MXRA5: variants seen among roughly 807,000 people sequenced by gnomAD.
MXRA5 encodes matrix-remodeling-associated protein 5.
MXRA5 carries 41 observed loss-of-function variants against 112.5 expected under a neutral mutation model. The observed-to-expected ratio is 0.36, with a 90% confidence interval of 0.28 to 0.47. The LOEUF is 0.47. Ranked by LOEUF, MXRA5 falls within the 20% of genes least tolerant of loss-of-function variation. The pLI, the probability that MXRA5 is intolerant of heterozygous loss-of-function variation, is 0.99. For synonymous variants in MXRA5, 862 were observed against 900.8 expected (o/e 0.96, Z 0.77); for missense variants, 2,150 against 2,251.0 (o/e 0.96, Z 0.91).
In MXRA5 at chrX:3,323,814, T is replaced by C. The variant is rs771154835; in HGVS notation, c.1871A>G (p.Asn624Ser). Residue 624 changes from asparagine (N) to serine (S), a missense_variant, in exon 5 of 7, where the codon AAC (asparagine) becomes AGC (serine). Asn to Ser is a conservative substitution (Grantham distance 46). Coordinates refer to ENST00000217939, the MANE Select transcript of MXRA5 (RefSeq NM_015419.4). Reference protein sequence around the residue: ...PNRRIINDLANTSHVYMLPNG... With the variant: ...PNRRIINDLASTSHVYMLPNG... The stretch of plus-strand genomic sequence containing the variant: ...TGGCAACATGTATACATGTGATGTG[T>C]TAGCCAAATCATTAATTATCCTTCT... 8.3e-7 allele frequency: 1 copy of C among 1,209,977 alleles called. No homozygotes were observed. The highest frequency in any genetic ancestry group is 1.7e-5 in the African/African-American group (1 of 57,248).
At position 3,317,456 on chromosome X, in the gene MXRA5, G is replaced by C. The variant is rs754779175; in HGVS notation, c.6225C>G (p.Pro2075=). 6.7e-6 allele frequency: 8 copies of C among 1,195,937 alleles called. No individual in the cohort carries two copies. Among genetic ancestry groups the C allele is most frequent in the Non-Finnish European group, 9.0e-6 (8 of 887,812 alleles). ...IHIHCTAKAA[P]LPSVRWVLGD... ...CGAGCACCCAGCGCACGCTGGGCAG[G>C]GGCGCAGCCTTGGCAGTGCAGTGAA... is the stretch of plus-strand genomic sequence containing the variant. The change falls in exon 6 of 7, where the codon CCC becomes CCG. Residue 2075 remains proline, a synonymous_variant. Transcript: ENST00000217939.
At chrX:3,326,654 C>T (rs1255411540) in intron 4 of MXRA5, among the ~76,000 whole-genome samples, 1 of 109,310 alleles carries the variant, frequency 9.1e-6, no homozygotes. Context: ...TTCACGTTGT[C>T]CTCTTGGTCT....
intron 1 of MXRA5, among the ~76,000 whole-genome samples, chrX:3,344,460 G>GT (rs1342730236): frequency 1.8e-5 from 2 of 111,571 alleles, no homozygotes; most frequent in Non-Finnish European, 3.8e-5. Flanking sequence ...AAGCCAGAGA[G>GT]TTTTTTTGAT....
At chrX:3,314,411 C>T (rs1014252543) in intron 6 of MXRA5, among the ~76,000 whole-genome samples, 1 of 110,535 alleles carries the variant, frequency 9.0e-6, no homozygotes, top group African/African-American at 3.3e-5. Flanking sequence ...AGCCAAATGT[C>T]TCCTGGGAGT....
chrX:3,335,353 C>T (rs1445419501), intron 2 of MXRA5, among the ~76,000 whole-genome samples: 6 of 110,137 alleles, frequency 5.4e-5, no homozygotes, highest in Non-Finnish European at 9.5e-5. Flanking sequence ...TGTGCTACCC[C>T]GCCTGGCTAA....
intron 4 of MXRA5, among the ~76,000 whole-genome samples, chrX:3,328,537 C>A (rs1921566175): frequency 9.0e-6 from 1 of 111,135 alleles, no homozygotes; most frequent in African/African-American, 3.3e-5. Context: ...TAAAAATGTT[C>A]TCACTGCTTT....
chrX:3,310,155 TG>T lies in MXRA5; in HGVS notation c.8047del (p.Gln2683LysfsTer44). 1 of 1,211,648 alleles carries T rather than the reference TG, an allele frequency of 8.3e-7. No individual in the cohort carries two copies. The highest frequency in any genetic ancestry group is 3.0e-5 in the East Asian group (1 of 33,817). ...CAGAAGAGAAACGCGTCCCAGGGTT[TG>T]GGGGCCCTCCAGATGCATGCCATTG... ...LPNGMHLEGP[Q>X]TLGRVSLLDN... On this transcript the variant is annotated frameshift_variant, in exon 7 of 7. Coordinates refer to ENST00000217939, the MANE Select transcript of MXRA5 (RefSeq NM_015419.4). LOFTEE classifies it high-confidence loss of function.
chrX:3,330,964 G>A (rs1351470958), intron 2 of MXRA5, among the ~76,000 whole-genome samples, 191 bp from the exon 3 acceptor site: 1 of 111,353 alleles, frequency 9.0e-6, no homozygotes, highest in Non-Finnish European at 1.9e-5. Flanking sequence ...GTGCAGCGGT[G>A]CAATCGTAGC....
At position 3,320,011 on chromosome X, in the gene MXRA5, T is replaced by C. The variant is rs373329711; in HGVS notation, c.5674A>G (p.Thr1892Ala). The change falls in exon 5 of 7, where the codon ACA (threonine) becomes GCA (alanine). Residue 1892 changes from threonine to alanine, a missense_variant. Thr to Ala is a moderately conservative substitution (Grantham distance 58, BLOSUM62 0). This residue lies in a region of MXRA5 where 1,485 missense variants were observed against 1,471.6 expected (regional missense o/e 1.01). Transcript: ENST00000217939. ...KPFVTWTKVSTGALMTPNTRI... is the reference protein window; with the variant it reads ...KPFVTWTKVSAGALMTPNTRI... ...AGTAGATGCTTAAACATCTTACCTGTGGAAACCTTTGTCCAAGTAACGAAA... is the reference window on the plus strand; with the variant it reads ...AGTAGATGCTTAAACATCTTACCTGCGGAAACCTTTGTCCAAGTAACGAAA... The C allele has an allele frequency of 1.7e-6, 2 of 1,185,671 alleles. No homozygotes were observed. The highest frequency in any genetic ancestry group is 3.7e-5 in the South Asian group (2 of 53,334).
Position 3,323,097 on chromosome X carries a change from A to G in MXRA5, c.2588T>C (p.Met863Thr), listed in dbSNP as rs373025245. 306 of 1,209,868 alleles carry G rather than the reference A, an allele frequency of 2.5e-4. No homozygotes were observed. In the South Asian group the frequency reaches 4.0e-3, roughly 16 times the overall value. Residue 863 changes from methionine (M) to threonine (T), a missense_variant, in exon 5 of 7, where the codon ATG becomes ACG. Met to Thr is a moderately conservative substitution (Grantham distance 81). This residue lies in a region of MXRA5 where 1,485 missense variants were observed against 1,471.6 expected (regional missense o/e 1.01). Coordinates refer to ENST00000217939, the MANE Select transcript of MXRA5 (RefSeq NM_015419.4). ...HVLGTISSAS[M>T]GLEHNHNGVI... ...TCCATTGTGGTTGTGTTCTAGCCCC[A>G]TGCTGGCTGAGGAAATGGTACCCAA...
chrX:3,316,801 A>T (rs1254818770), intron 6 of MXRA5, among the ~76,000 whole-genome samples: 1 of 108,534 alleles, frequency 9.2e-6, no homozygotes, highest in Admixed American at 9.8e-5. Flanking sequence ...CTCAGCCTCC[A>T]GAGTAGCTGG....
Position 3,317,732 on chromosome X carries a change from G to C in MXRA5, c.5949C>G (p.Ser1983=). The change falls in exon 6 of 7, where the codon TCC becomes TCG. Residue 1983 remains serine (S), a synonymous_variant. Coordinates refer to ENST00000217939, the MANE Select transcript of MXRA5 (RefSeq NM_015419.4). ...LAKGTPAPQI[S]WIFPDRRVWQ... ...ACACCCTCCTGTCAGGGAAGATCCA[G>C]GAAATTTGGGGGGCTGGGGTCCCTT... 6 of 1,207,155 alleles carry C rather than the reference G, an allele frequency of 5.0e-6. No homozygotes were observed. The highest frequency in any genetic ancestry group is 6.7e-6 in the Non-Finnish European group (6 of 892,622).
At chrX:3,333,684 G>C (rs1921722207) in intron 2 of MXRA5, among the ~76,000 whole-genome samples, 1 of 111,663 alleles carries the variant, frequency 9.0e-6, no homozygotes, top group South Asian at 3.8e-4. Context: ...ATTTTATTTA[G>C]TGAGTTCAAA....
chrX:3,315,409 A>G (rs1174450422), intron 6 of MXRA5, among the ~76,000 whole-genome samples: 3 of 61,659 alleles, frequency 4.9e-5, no homozygotes, highest in African/African-American at 6.6e-5. Context: ...AGATAGATAG[A>G]TAGATAGATA....
In MXRA5 at chrX:3,330,221, C is replaced by T; in HGVS notation, c.506G>A (p.Ser169Asn). The T allele has an allele frequency of 8.3e-7, 1 of 1,210,544 alleles. No homozygotes were observed. Among genetic ancestry groups the T allele is most frequent in the Non-Finnish European group, 1.1e-6 (1 of 894,971 alleles). The change falls in exon 4 of 7, where the codon AGC (serine) becomes AAC (asparagine). Residue 169 changes from serine to asparagine, a missense_variant. Ser to Asn is a conservative substitution (Grantham distance 46, BLOSUM62 1). Coordinates refer to ENST00000217939, the MANE Select transcript of MXRA5 (RefSeq NM_015419.4). Reference protein sequence around the residue: ...EGNLLHQLHPSTFSTFTFLDY... With the variant: ...EGNLLHQLHPNTFSTFTFLDY... The stretch of plus-strand genomic sequence containing the variant: ...CAAAAATGTGAACGTGGAGAAGGTG[C>T]TGGGGTGCAGCTGGTGGAGGAGATT...
rs770055750 is a variant in MXRA5 at position 3,311,148 on chromosome X, G to T, written c.7055C>A (p.Thr2352Asn). 9 of 1,209,696 alleles carry T rather than the reference G, an allele frequency of 7.4e-6. No homozygotes were observed. In the African/African-American group the frequency reaches 1.4e-4, roughly 19 times the overall value. ...ATAGGGCACCTGAACCGCCAAGTAAGTCTTGTTCCGGATGGTGGCGGGCGC... is the reference window on the plus strand; with the variant it reads ...ATAGGGCACCTGAACCGCCAAGTAATTCTTGTTCCGGATGGTGGCGGGCGC... ...VTAPATIRNKTYLAVQVPYGD... is the reference protein window; with the variant it reads ...VTAPATIRNKNYLAVQVPYGD... Residue 2352 changes from threonine to asparagine, a missense_variant, in exon 7 of 7, where the codon ACT becomes AAT. Transcript: ENST00000217939.
intron 4 of MXRA5, 37 bp downstream of exon 4, chrX:3,329,981 G>A: frequency 8.6e-7 from 1 of 1,167,495 alleles, no homozygotes; most frequent in Non-Finnish European, 1.1e-6. Context: ...ATAAAAGAAT[G>A]TGCAGCTAGG....
At chrX:3,313,211 C>T (rs1921013829) in intron 6 of MXRA5, among the ~76,000 whole-genome samples, 1 of 112,520 alleles carries the variant, frequency 8.9e-6, no homozygotes, top group African/African-American at 3.2e-5. Flanking sequence ...CCACAGATGC[C>T]TGTGCATCGT....
chrX:3,321,872 G>A lies in MXRA5; in HGVS notation c.3813C>T (p.Pro1271=). 8.3e-7 allele frequency: 1 copy of A among 1,211,264 alleles called. No individual in the cohort carries two copies. Among genetic ancestry groups the A allele is most frequent in the Non-Finnish European group, 1.1e-6 (1 of 895,286 alleles). The part of the protein sequence containing the change: ...PENKHRNIVT[P]SSETILLPRT... ...TAGGCAAAAGTATAGTTTCTGAACT[G>A]GGAGTAACAATGTTTCTATGTTTAT... Residue 1271 remains proline, a synonymous_variant, in exon 5 of 7, where the codon CCC becomes CCT. Transcript: ENST00000217939.
Sources: gnomAD v4.1 joint callset for allele counts (sites outside exome capture counted in the v4.1 genomes callset) on GRCh38, gnomAD v4.1.1 for gene constraint, gnomAD v4.1.1 regional missense constraint, MANE v1.5 for transcripts, NCBI Gene and HGNC (gene_info 2026-07-23, HGNC 2026-07-21) for gene names.